Variants in SHOC2 observed in about 807,000 individuals in gnomAD.
SHOC2 encodes the protein leucine-rich repeat protein SHOC-2.
A neutral mutation model predicts 50.2 loss-of-function variants in SHOC2; 4 were observed. The observed-to-expected ratio is 0.08, with a 90% confidence interval of 0.04 to 0.18. The LOEUF is 0.18. Ranked by LOEUF, SHOC2 falls within the 10% of genes least tolerant of loss-of-function variation. The pLI is 1.00. For synonymous variants in SHOC2, 218 were observed against 244.5 expected, an observed-to-expected ratio of 0.89 and a Z score of 1.01; for missense variants, 388 against 669.6, an observed-to-expected ratio of 0.58 and a Z score of 4.64.
At chr10:110,983,778 T>C (rs1032867498) in intron 2 of SHOC2, among the ~76,000 whole-genome samples, 10 of 152,340 alleles carry the variant, frequency 6.6e-5, no homozygotes, top group Non-Finnish European at 1.5e-4. Context: ...AAATTGTTTT[T>C]TTGTGTGTGG....
Position 110,964,306 on chromosome 10 carries a change from AT to A in SHOC2, c.-51del. ...CTTTGTCTCTTCATCTTTGAATTCA[AT>A]TACTGGAAAATAAAAGGAGTTCATG... On this transcript the variant is annotated 5_prime_UTR_variant, in exon 2 of 9. Coordinates refer to ENST00000369452, the MANE Select transcript of SHOC2 (RefSeq NM_007373.4). The surrounding 1 kb of genome is among the most constrained non-coding windows in gnomAD (Gnocchi z 4.9). The A allele has an allele frequency of 6.3e-7, 1 of 1,587,546 alleles. No individual in the cohort carries two copies. The highest frequency in any genetic ancestry group is 1.1e-5 in the South Asian group (1 of 87,548).
At chr10:110,999,268 G>T (rs1476488424) in intron 3 of SHOC2, among the ~76,000 whole-genome samples, 2 of 152,138 alleles carry the variant, frequency 1.3e-5, no homozygotes, top group Non-Finnish European at 2.9e-5. Flanking sequence ...CAACAAAATA[G>T]TATATTGGAT....
At chr10:110,958,608 A>G (rs923415133) in intron 1 of SHOC2, among the ~76,000 whole-genome samples, 1 of 152,150 alleles carries the variant, frequency 6.6e-6, no homozygotes, top group Non-Finnish European at 1.5e-5. Context: ...TTTGCTGTTG[A>G]CACCAAAGCT....
chr10:110,940,558 A>G (rs1287924672), intron 1 of SHOC2, among the ~76,000 whole-genome samples: 1 of 152,202 alleles, frequency 6.6e-6, no homozygotes, highest in Non-Finnish European at 1.5e-5. Context: ...TAGTTATACA[A>G]TTTTATATAG....
intron 3 of SHOC2, among the ~76,000 whole-genome samples, chr10:110,993,293 G>C (rs1391102766): frequency 1.3e-5 from 2 of 152,208 alleles, no homozygotes; most frequent in Non-Finnish European, 2.9e-5. Flanking sequence ...ATTGAGAGGG[G>C]TTAGAGCTGA....
intron 3 of SHOC2, among the ~76,000 whole-genome samples, chr10:110,994,694 C>T (rs1282467246): frequency 6.6e-6 from 1 of 152,078 alleles, no homozygotes; most frequent in Non-Finnish European, 1.5e-5. Flanking sequence ...TAAGAAATCC[C>T]TGTATTTTTA....
chr10:110,971,716 C>G (rs1489899849), intron 2 of SHOC2, among the ~76,000 whole-genome samples: 1 of 151,898 alleles, frequency 6.6e-6, no homozygotes, highest in Non-Finnish European at 1.5e-5. Flanking sequence ...CTTTGAATTT[C>G]TTTCATTGTT....
chr10:111,000,527 C>T lies in SHOC2; in HGVS notation c.954C>T (p.Asn318=). The T allele has an allele frequency of 6.2e-7, 1 of 1,611,468 alleles. No homozygotes were observed. ...AAGAATTAAATTTAGAGAACAATAA[C>T]ATTTCTACTTTACCAGAGGTAAGAA... The part of the protein sequence containing the change: ...ALEELNLENN[N]ISTLPESLLS... The change falls in exon 4 of 9, where the codon AAC becomes AAT. Residue 318 remains asparagine, a synonymous_variant. Coordinates refer to ENST00000369452, the MANE Select transcript of SHOC2 (RefSeq NM_007373.4).
rs1337170187 is a variant in SHOC2 at position 110,980,989 on chromosome 10, C to T, written c.704-4639C>T. Among the ~76,000 whole-genome samples, 11 of 152,158 alleles carry T rather than the reference C, an allele frequency of 7.2e-5. No individual in the cohort carries two copies. The South Asian group carries it at 2.1e-3, about 29-fold the overall frequency. On this transcript the variant is annotated intron_variant, in intron 2 of 8. Transcript: ENST00000369452. Reference sequence around the variant, plus strand: ...TTGTTTCCTGCACTGCTGAATCTTTCATGTAGATGGAAACTTGTTTCATTT... The same window carrying T: ...TTGTTTCCTGCACTGCTGAATCTTTTATGTAGATGGAAACTTGTTTCATTT...
rs143494554 is a variant in SHOC2, at chr10:111,002,185, G to T, written c.972+1640G>T. ...GCTTGTTAGAAATGTGGACTCTTGAGCCTCACTCCCAGTCCCACTGAATAT... is the reference window on the plus strand; with the variant it reads ...GCTTGTTAGAAATGTGGACTCTTGATCCTCACTCCCAGTCCCACTGAATAT... On this transcript the variant is annotated intron_variant, in intron 4 of 8. Transcript: ENST00000369452. 1.7e-3 allele frequency among the ~76,000 whole-genome samples: 254 copies of T among 152,276 alleles called. 2 individuals are homozygous for T. The highest frequency in any genetic ancestry group is 5.7e-3 in the African/African-American group (235 of 41,552).
rs571077539 is a variant in SHOC2, at chr10:110,961,399, A to G, written c.-234-2726A>G. On this transcript the variant is annotated intron_variant, in intron 1 of 8. Transcript: ENST00000369452. ...GTGTCACCTGATTCAGGTCTGAACTAGATCCAGAACTTAATTTTTGACTGT... is the reference window on the plus strand; with the variant it reads ...GTGTCACCTGATTCAGGTCTGAACTGGATCCAGAACTTAATTTTTGACTGT... 4.6e-5 allele frequency among the ~76,000 whole-genome samples: 7 copies of G among 152,374 alleles called. No individual in the cohort carries two copies. The South Asian group carries it at 8.3e-4, about 18-fold the overall frequency.
At chr10:110,945,334 G>A (rs1311441571) in intron 1 of SHOC2, among the ~76,000 whole-genome samples, 1 of 152,186 alleles carries the variant, frequency 6.6e-6, no homozygotes, top group Non-Finnish European at 1.5e-5. Context: ...AACTCTTGCT[G>A]CTTTTTAACG....
chr10:110,953,721 C>T (rs1351126690), intron 1 of SHOC2, among the ~76,000 whole-genome samples: 2 of 151,460 alleles, frequency 1.3e-5, no homozygotes, highest in Admixed American at 1.3e-4. Context: ...TATACACACA[C>T]ACACACGTGT....
chr10:110,978,349 A>G (rs1847913584), intron 2 of SHOC2, among the ~76,000 whole-genome samples: 2 of 152,184 alleles, frequency 1.3e-5, no homozygotes, highest in South Asian at 2.1e-4. Context: ...GGATTCCATT[A>G]TCCTCTGAAA....
chr10:110,948,141 A>G (rs759140571), intron 1 of SHOC2, among the ~76,000 whole-genome samples: 11 of 152,222 alleles, frequency 7.2e-5, no homozygotes, highest in Non-Finnish European at 8.8e-5. Context: ...TCATTATACA[A>G]TGATAAAGAA....
At chr10:110,973,590 T>C (rs979430253) in intron 2 of SHOC2, among the ~76,000 whole-genome samples, 10 of 152,122 alleles carry the variant, frequency 6.6e-5, no homozygotes, top group African/African-American at 2.4e-4. Flanking sequence ...TCTTTTATAT[T>C]CTAGAAGGGT....
chr10:110,985,952 T>C (rs1218838468), intron 3 of SHOC2, 187 bp downstream of exon 3: 6 of 576,150 alleles, frequency 1.0e-5, no homozygotes, highest in Non-Finnish European at 1.8e-5. Context: ...AAATAGGTTT[T>C]AGGAAATGAG....
intron 1 of SHOC2, among the ~76,000 whole-genome samples, chr10:110,934,179 A>T (rs899789817): frequency 1.3e-5 from 2 of 152,220 alleles, no homozygotes; most frequent in African/African-American, 4.8e-5. Flanking sequence ...TAAAATGCAT[A>T]TTAGTTTGGA....
intron 2 of SHOC2, among the ~76,000 whole-genome samples, chr10:110,977,656 G>C (rs898583792): frequency 6.6e-6 from 1 of 152,188 alleles, no homozygotes; most frequent in Non-Finnish European, 1.5e-5. Flanking sequence ...CTGGCATACA[G>C]TTAAATTTTT....
Sources: gnomAD v4.1 joint callset for allele counts (sites outside exome capture counted in the v4.1 genomes callset) on GRCh38, gnomAD v4.1.1 for gene constraint, Gnocchi (gnomAD v3.1) non-coding constraint, MANE v1.5 for transcripts, NCBI Gene and HGNC (gene_info 2026-07-23, HGNC 2026-07-21) for gene names.